XKR6: variants seen among roughly 807,000 people sequenced by gnomAD.
XKR6 encodes the protein XK-related protein 6.
XKR6 carries 22 observed loss-of-function variants against 56.7 expected under a neutral mutation model. That is an observed-to-expected ratio of 0.39 (90% CI 0.28 to 0.55). The LOEUF is 0.55. Among genes scored for constraint, XKR6 ranks in the 20% least tolerant of loss-of-function variants. The pLI is 0.66. For missense variants in XKR6, 852 were observed against 889.0 expected, an observed-to-expected ratio of 0.96 and a Z score of 0.53; for synonymous variants, 524 against 387.8, an observed-to-expected ratio of 1.35 and a Z score of -4.13.
At chr8:10,908,885 C>T (rs1010757683) in intron 2 of XKR6, among the ~76,000 whole-genome samples, 3 of 152,172 alleles carry the variant, frequency 2.0e-5, no homozygotes, top group Admixed American at 2.0e-4. Context: ...GTAGTTTGGA[C>T]TGGGCACGGT....
At chr8:11,000,368 T>G (rs1260563815) in intron 1 of XKR6, among the ~76,000 whole-genome samples, 1 of 152,192 alleles carries the variant, frequency 6.6e-6, no homozygotes, top group African/African-American at 2.4e-5. Flanking sequence ...TTCTTCCTCG[T>G]GGAGCACATA....
intron 2 of XKR6, among the ~76,000 whole-genome samples, chr8:10,910,354 T>C (rs1339936801): frequency 6.6e-6 from 1 of 152,118 alleles, no homozygotes; most frequent in Non-Finnish European, 1.5e-5. Flanking sequence ...GAATTCCCCC[T>C]GAGAAGTGGT....
rs577966688 is a variant in XKR6, at chr8:10,897,366, T to G, written c.*586A>C. On this transcript the variant is annotated 3_prime_UTR_variant, in exon 3 of 3. Transcript: ENST00000416569. ...TTGTATTTGTTGGTTGGTTTTTGTTTCACTTTTAGATTTGTTTCATTTAAT... is the reference window on the plus strand; with the variant it reads ...TTGTATTTGTTGGTTGGTTTTTGTTGCACTTTTAGATTTGTTTCATTTAAT... 15 of 152,758 alleles carry G rather than the reference T, an allele frequency of 9.8e-5. No individual in the cohort carries two copies. Among genetic ancestry groups the G allele is most frequent in the Admixed American group, 2.6e-4 (4 of 15,306 alleles). The allele number at this position is 152,758 out of a possible 1,614,324, so 9.5% of individuals were successfully genotyped here.
At chr8:11,120,607 C>A (rs1392156192) in intron 1 of XKR6, among the ~76,000 whole-genome samples, 1 of 152,108 alleles carries the variant, frequency 6.6e-6, no homozygotes, top group Admixed American at 6.5e-5. Context: ...AATGGCCATA[C>A]TGCCCAAGGT....
intron 1 of XKR6, among the ~76,000 whole-genome samples, chr8:11,132,515 C>T (rs1356590902): frequency 4.0e-5 from 6 of 151,880 alleles, no homozygotes; most frequent in African/African-American, 9.7e-5. Flanking sequence ...GCGCCCACCA[C>T]CACGCCAGGC....
At chr8:10,938,785 C>T (rs973523604) in intron 1 of XKR6, among the ~76,000 whole-genome samples, 4 of 152,024 alleles carry the variant, frequency 2.6e-5, no homozygotes, top group East Asian at 3.8e-4. Flanking sequence ...TATGTGAATC[C>T]GCGTATGCAC....
chr8:11,041,938 T>C (rs1000654249), intron 1 of XKR6, among the ~76,000 whole-genome samples: 3 of 152,192 alleles, frequency 2.0e-5, no homozygotes, highest in East Asian at 3.8e-4. Flanking sequence ...CACACATGTA[T>C]ACACACCCAC....
chr8:11,161,825 C>G (rs985120336), intron 1 of XKR6, among the ~76,000 whole-genome samples: 4 of 152,146 alleles, frequency 2.6e-5, no homozygotes, highest in Admixed American at 1.3e-4. Flanking sequence ...CAGGTACCTG[C>G]AACTCAAAAT....
rs974899227 is a variant in XKR6, at chr8:11,075,871, C to T, written c.764+124705G>A. 2.6e-5 allele frequency among the ~76,000 whole-genome samples: 4 copies of T among 152,144 alleles called. No homozygotes were observed. In the South Asian group the frequency reaches 6.2e-4, roughly 24 times the overall value. ...CTGGGCAACATAGCGAGACTCTGTCCCCCCGACCCAAAAAAAACGTAACTT... is the reference window on the plus strand; with the variant it reads ...CTGGGCAACATAGCGAGACTCTGTCTCCCCGACCCAAAAAAAACGTAACTT... On this transcript the variant is annotated intron_variant, in intron 1 of 2. Coordinates refer to ENST00000416569, the MANE Select transcript of XKR6 (RefSeq NM_173683.4).
At chr8:11,027,061 C>G (rs142024458) in intron 1 of XKR6, among the ~76,000 whole-genome samples, 2 of 152,160 alleles carry the variant, frequency 1.3e-5, no homozygotes, top group African/African-American at 4.8e-5. Context: ...CTACTACACA[C>G]GTAGATGGCG....
At chr8:10,940,860 C>A (rs1233595231) in intron 1 of XKR6, among the ~76,000 whole-genome samples, 1 of 152,238 alleles carries the variant, frequency 6.6e-6, no homozygotes, top group African/African-American at 2.4e-5. Context: ...CCCACTGATT[C>A]TTTCCACCAG....
intron 1 of XKR6, among the ~76,000 whole-genome samples, chr8:11,061,590 C>T (rs1799835862): frequency 2.0e-5 from 3 of 152,212 alleles, no homozygotes; most frequent in African/African-American, 4.8e-5. Context: ...CCCTCATGCA[C>T]ATCCGTTCAT....
chr8:11,088,858 T>A (rs1797977937), intron 1 of XKR6, among the ~76,000 whole-genome samples: 1 of 152,194 alleles, frequency 6.6e-6, no homozygotes, highest in Non-Finnish European at 1.5e-5. Context: ...AATTCCATGT[T>A]AGAGGTATAA....
chr8:11,200,265 AG>A lies in XKR6; in HGVS notation c.764+310del, dbSNP rs1585048800. Among the ~76,000 whole-genome samples, 1 of 152,204 alleles carries A rather than the reference AG, an allele frequency of 6.6e-6. No homozygotes were observed. Among genetic ancestry groups the A allele is most frequent in the African/African-American group, 2.4e-5 (1 of 41,450 alleles). ...CCCGCAGCTGGTTACCTCGGGAGGC[AG>A]GGAAAAGGGACGCTTGGGAACGGAG... On this transcript the variant is annotated intron_variant, in intron 1 of 2. Transcript: ENST00000416569. The surrounding 1 kb of genome is among the most constrained non-coding windows in gnomAD (Gnocchi z 6.4).
chr8:11,180,310 G>T (rs1385819349), intron 1 of XKR6, among the ~76,000 whole-genome samples: 1 of 152,186 alleles, frequency 6.6e-6, no homozygotes, highest in East Asian at 1.9e-4. Context: ...AAGAACAGGG[G>T]AAATGACTGT....
chr8:10,920,993 G>C (rs1020882027), intron 2 of XKR6, among the ~76,000 whole-genome samples: 3 of 152,258 alleles, frequency 2.0e-5, no homozygotes, highest in Non-Finnish European at 4.4e-5. Context: ...CACAGGAGGG[G>C]CTTCCCTGGG....
At chr8:10,952,447 A>T (rs1346613921) in intron 1 of XKR6, among the ~76,000 whole-genome samples, 8 of 151,942 alleles carry the variant, frequency 5.3e-5, no homozygotes, top group Non-Finnish European at 8.8e-5. Context: ...GCATTATTAT[A>T]TTTGTTTTTT....
chr8:10,928,790 C>A lies in XKR6; in HGVS notation c.765-3960G>T, dbSNP rs375822217. ...TCCTCCAAGCCCCCTCCTTCTCCACCTTCCAGGCGGGTTCCAGAAAGCTTA... is the reference window on the plus strand; with the variant it reads ...TCCTCCAAGCCCCCTCCTTCTCCACATTCCAGGCGGGTTCCAGAAAGCTTA... On this transcript the variant is annotated intron_variant, in intron 1 of 2. Coordinates refer to ENST00000416569, the MANE Select transcript of XKR6 (RefSeq NM_173683.4). Among the ~76,000 whole-genome samples the A allele has an allele frequency of 5.9e-5, 9 of 152,226 alleles. 1 individual carries two copies. Among genetic ancestry groups the A allele is most frequent in the African/African-American group, 2.2e-4 (9 of 41,462 alleles).
Position 10,990,926 on chromosome 8 carries a change from A to C in XKR6, c.765-66096T>G, listed in dbSNP as rs1369465130. 1.8e-5 allele frequency among the ~76,000 whole-genome samples: 2 copies of C among 111,356 alleles called. 1 individual carries two copies. The highest frequency in any genetic ancestry group is 5.9e-4 in the South Asian group (2 of 3,362). The allele number at this position is 111,356 out of a possible 152,430, so 73.1% of individuals were successfully genotyped here. The stretch of plus-strand genomic sequence containing the variant: ...TTTTTTTTTTTTTTTTTTTCGAGAC[A>C]GAGTCTCACTTGGTCACCCAGGCTG... On this transcript the variant is annotated intron_variant, in intron 1 of 2. Transcript: ENST00000416569.
Sources: allele counts gnomAD v4.1 joint callset (sites outside exome capture counted in the v4.1 genomes callset), GRCh38; gene constraint gnomAD v4.1.1; non-coding constraint Gnocchi (gnomAD v3.1); transcripts MANE v1.5; gene names NCBI Gene and HGNC (gene_info 2026-07-23, HGNC 2026-07-21).